ADAMTS17: variants seen among roughly 807,000 people sequenced by gnomAD.
ADAMTS17 encodes A disintegrin and metalloproteinase with thrombospondin motifs 17.
Under a neutral mutation model 141.5 loss-of-function variants are expected in ADAMTS17, and 113 were observed. The observed-to-expected ratio is 0.80, with a 90% CI of 0.69 to 0.93. ADAMTS17 has a LOEUF of 0.93. Among genes scored for constraint, ADAMTS17 ranks in the 40% least tolerant of loss-of-function variants. ADAMTS17 has a pLI of 0.00. For synonymous variants in ADAMTS17, 768 were observed against 630.6 expected (o/e 1.22, Z -3.27); for missense variants, 1,659 against 1,517.9 (o/e 1.09, Z -1.54).
intron 15 of ADAMTS17, among the ~76,000 whole-genome samples, chr15:100,075,275 A>G (rs2034288094): frequency 6.6e-6 from 1 of 152,188 alleles, no homozygotes; most frequent in Admixed American, 6.6e-5. Flanking sequence ...TTTTCATCCT[A>G]AAAAGGAATT....
At chr15:100,302,420 T>C (rs924960443) in intron 3 of ADAMTS17, among the ~76,000 whole-genome samples, 4 of 152,236 alleles carry the variant, frequency 2.6e-5, no homozygotes, top group African/African-American at 9.6e-5. Context: ...CTTTTGGATA[T>C]GTATGAGGTG....
chr15:100,311,270 T>C (rs1170555003), intron 3 of ADAMTS17, among the ~76,000 whole-genome samples: 2 of 152,170 alleles, frequency 1.3e-5, no homozygotes, highest in Non-Finnish European at 2.9e-5. Flanking sequence ...CTGCGGGAGC[T>C]GGCAGGGACC....
At chr15:100,339,576 G>A (rs1341150005) in intron 2 of ADAMTS17, among the ~76,000 whole-genome samples, 3 of 115,488 alleles carry the variant, frequency 2.6e-5, no homozygotes, top group East Asian at 2.5e-4. Flanking sequence ...CACATTCCCC[G>A]CCCCAGGTCC....
intron 6 of ADAMTS17, 48 bp from the exon 7 acceptor site, chr15:100,254,227 A>G: frequency 6.5e-7 from 1 of 1,549,642 alleles, no homozygotes; most frequent in South Asian, 1.1e-5. Flanking sequence ...ATCCCCAAGA[A>G]TGGGAGAAGA....
intron 10 of ADAMTS17, among the ~76,000 whole-genome samples, chr15:100,151,400 G>C (rs1345470428): frequency 6.6e-6 from 1 of 152,162 alleles, no homozygotes; most frequent in Non-Finnish European, 1.5e-5. Flanking sequence ...ACTCAGACAG[G>C]AAGCACTCAA....
intron 7 of ADAMTS17, among the ~76,000 whole-genome samples, chr15:100,219,650 C>T (rs1002058804): frequency 6.6e-6 from 1 of 152,182 alleles, no homozygotes. Flanking sequence ...AGTTGGCTCA[C>T]TCAAAGTCTT....
intron 18 of ADAMTS17, among the ~76,000 whole-genome samples, chr15:100,010,967 A>G (rs889567251): frequency 1.3e-4 from 20 of 151,952 alleles, no homozygotes; most frequent in African/African-American, 4.8e-4. Flanking sequence ...TCTACAGCAC[A>G]CTGTGAGGAG....
chr15:100,084,589 C>G lies in ADAMTS17; in HGVS notation c.2137+11767G>C, dbSNP rs1385369606. On this transcript the variant is annotated intron_variant, in intron 15 of 21. Coordinates refer to ENST00000268070, the MANE Select transcript of ADAMTS17 (RefSeq NM_139057.4). ...CCCGAGTAGCCTAAATGGGAGGCAC[C>G]CCCCTGTAGGGGCGGACTGACACCT... 2.0e-5 allele frequency among the ~76,000 whole-genome samples: 3 copies of G among 152,294 alleles called. No homozygotes were observed. In the East Asian group the frequency reaches 5.8e-4, roughly 29 times the overall value.
At chr15:100,214,910 G>A (rs879345050) in intron 7 of ADAMTS17, among the ~76,000 whole-genome samples, 3 of 152,248 alleles carry the variant, frequency 2.0e-5, no homozygotes, top group Admixed American at 2.0e-4. Flanking sequence ...CCCGTGACAA[G>A]TTCATTACTG....
intron 3 of ADAMTS17, among the ~76,000 whole-genome samples, chr15:100,302,050 C>T (rs2045058577): frequency 6.6e-6 from 1 of 152,166 alleles, no homozygotes; most frequent in Non-Finnish European, 1.5e-5. Context: ...ACCCCATAAC[C>T]CCCTGCAATC....
At position 99,972,119 on chromosome 15, in the gene ADAMTS17, T is replaced by C. The variant is rs8025962; in HGVS notation, c.*2283A>G. 0.076 allele frequency: 11,584 copies of C among 152,164 alleles called. 1,492 individuals carry two copies. Among genetic ancestry groups the C allele is most frequent in the African/African-American group, 0.26 (10,926 of 41,368 alleles). The allele number at this position is 152,164 out of a possible 1,614,324, so 9.4% of individuals were successfully genotyped here. On this transcript the variant is annotated 3_prime_UTR_variant, in exon 22 of 22. Coordinates refer to ENST00000268070, the MANE Select transcript of ADAMTS17 (RefSeq NM_139057.4). The stretch of plus-strand genomic sequence containing the variant: ...ACAAAAAAGTAGGTGGGCGTGGTGG[T>C]GGGCGCCTGTAGTCCCAGCTACTGG...
At chr15:100,255,199 T>C (rs4074098) in intron 6 of ADAMTS17, among the ~76,000 whole-genome samples, 95,270 of 151,964 alleles carry the variant, frequency 0.63, 30,794 homozygotes, top group East Asian at 0.83. Context: ...TACTGGATCA[T>C]TCCTATGCTT....
At chr15:100,246,324 T>C (rs1286024897) in intron 7 of ADAMTS17, among the ~76,000 whole-genome samples, 1 of 152,184 alleles carries the variant, frequency 6.6e-6, no homozygotes, top group Non-Finnish European at 1.5e-5. Context: ...GGTCTATTTT[T>C]TAATACTATG....
chr15:100,323,161 C>G (rs1400254562), intron 3 of ADAMTS17, among the ~76,000 whole-genome samples: 2 of 140,680 alleles, frequency 1.4e-5, no homozygotes, highest in Non-Finnish European at 3.0e-5. Flanking sequence ...AATAAAAATT[C>G]AATTAATTTA....
chr15:100,298,713 C>T (rs28624919), intron 3 of ADAMTS17, among the ~76,000 whole-genome samples: 1 of 152,184 alleles, frequency 6.6e-6, no homozygotes, highest in Non-Finnish European at 1.5e-5. Flanking sequence ...GCAGGAGAAG[C>T]TGAGTCTAGT....
At chr15:100,081,828 C>T (rs1181274096) in intron 15 of ADAMTS17, among the ~76,000 whole-genome samples, 3 of 152,336 alleles carry the variant, frequency 2.0e-5, no homozygotes, top group Middle Eastern at 3.4e-3. Flanking sequence ...CAAGGCTCAG[C>T]GTCCTATACA....
In ADAMTS17 at chr15:100,070,758, T is replaced by C. The variant is rs531441315; in HGVS notation, c.2138-16704A>G. On this transcript the variant is annotated intron_variant, in intron 15 of 21. Transcript: ENST00000268070. The stretch of plus-strand genomic sequence containing the variant: ...ATTTAAAGCAGTGTGTAGAGGGAAA[T>C]TTATAGCACTAAATGCCCACAAGAG... Among the ~76,000 whole-genome samples, 953 of 148,604 alleles carry C rather than the reference T, an allele frequency of 6.4e-3. 50 individuals are homozygous for C. The highest frequency in any genetic ancestry group is 0.023 in the African/African-American group (916 of 40,114).
intron 15 of ADAMTS17, among the ~76,000 whole-genome samples, chr15:100,058,598 C>T (rs923847560): frequency 2.0e-5 from 3 of 152,248 alleles, no homozygotes; most frequent in Non-Finnish European, 4.4e-5. Context: ...TCCTCAGAAA[C>T]GCTGCACAGA....
chr15:100,333,899 C>T (rs956853420), intron 2 of ADAMTS17, among the ~76,000 whole-genome samples: 1 of 152,204 alleles, frequency 6.6e-6, no homozygotes, highest in African/African-American at 2.4e-5. Flanking sequence ...GAACTGGCAG[C>T]CCTGAAGCCC....
Sources: allele counts gnomAD v4.1 joint callset (sites outside exome capture counted in the v4.1 genomes callset), GRCh38; gene constraint gnomAD v4.1.1; transcripts MANE v1.5; gene names NCBI Gene and HGNC (gene_info 2026-07-23, HGNC 2026-07-21).